The following TBX4 variants were observed in gnomAD, a reference collection of about 807,000 sequenced individuals.
TBX4 encodes T-box transcription factor 4, also known as T-box transcription factor TBX4.
A neutral mutation model predicts 54.6 loss-of-function variants in TBX4; 13 were observed. The ratio of observed to expected loss-of-function variants is 0.24; its 90% CI spans 0.15 to 0.38. The LOEUF (loss-of-function observed/expected upper bound fraction) is 0.38. Among genes scored for constraint, TBX4 ranks in the 10% least tolerant of loss-of-function variants. The probability of loss-of-function intolerance (pLI) is 1.00; values close to 1 mark genes in which losing one functional copy is unlikely to be tolerated. For synonymous variants in TBX4, 314 were observed against 306.7 expected, an observed-to-expected ratio of 1.02 and a Z score of -0.25; for missense variants, 631 against 728.5, an observed-to-expected ratio of 0.87 and a Z score of 1.54.
In TBX4 at chr17:61,457,057, G is replaced by A. The variant is rs2060456511; in HGVS notation, c.186+381G>A. Among the ~76,000 whole-genome samples, 2 of 152,336 alleles carry A rather than the reference G, an allele frequency of 1.3e-5. No homozygotes were observed. The highest frequency in any genetic ancestry group is 1.3e-4 in the Admixed American group (2 of 15,312). On this transcript the variant is annotated intron_variant, in intron 2 of 8. Coordinates refer to ENST00000644296, the MANE Select transcript of TBX4 (RefSeq NM_001321120.2). This position sits in a 1 kb window ranked among gnomAD's most constrained non-coding sequence, Gnocchi z 8.2. The stretch of plus-strand genomic sequence containing the variant: ...GGAGGCCACCCCGCCGGTGCGCACG[G>A]GAGCCGCTGCGGGGATCCGAGGCCT...
In TBX4 at chr17:61,462,596, AC is replaced by A. The variant is rs2060504451; in HGVS notation, c.282-3220del. The stretch of plus-strand genomic sequence containing the variant: ...GCAAGGAGGGGGCTGGCTGGGGCGG[AC>A]CCAGAGGTAGAGCGCAGAGTGCCCG... On this transcript the variant is annotated intron_variant, in intron 3 of 8. Coordinates refer to ENST00000644296, the MANE Select transcript of TBX4 (RefSeq NM_001321120.2). The surrounding 1 kb of genome is among the most constrained non-coding windows in gnomAD (Gnocchi z 4.5). Among the ~76,000 whole-genome samples, 1 of 151,948 alleles carries A rather than the reference AC, an allele frequency of 6.6e-6. No homozygotes were observed. Among genetic ancestry groups the A allele is most frequent in the African/African-American group, 2.4e-5 (1 of 41,358 alleles).
chr17:61,484,371 A>G lies in TBX4; in HGVS notation c.*855A>G, dbSNP rs2060688474. ...TGTGTGGAGAGTCAGCCTCCCAGGC[A>G]CCATACCATCTGCATCCTATGATGA... On this transcript the variant is annotated 3_prime_UTR_variant, in exon 9 of 9. Coordinates refer to ENST00000644296, the MANE Select transcript of TBX4 (RefSeq NM_001321120.2). This position sits in a 1 kb window ranked among gnomAD's most constrained non-coding sequence, Gnocchi z 4.1. 6.6e-6 allele frequency: 1 copy of G among 152,048 alleles called. No individual in the cohort carries two copies. Among genetic ancestry groups the G allele is most frequent in the Admixed American group, 6.5e-5 (1 of 15,270 alleles). 9.4% of individuals were successfully genotyped at this position (152,048 alleles called of 1,614,324 possible).
Position 61,478,305 on chromosome 17 carries a change from C to G in TBX4, c.550-322C>G. ...TCACAATTCCACCTGCTACACTGTG[C>G]TGAGTTCACAGTGGGCTTTGACAGT... is the stretch of plus-strand genomic sequence containing the variant. On this transcript the variant is annotated intron_variant, in intron 5 of 8. Transcript: ENST00000644296. The surrounding 1 kb of genome is among the most constrained non-coding windows in gnomAD (Gnocchi z 7.4). 1 of 412,816 alleles carries G rather than the reference C, an allele frequency of 2.4e-6. No individual in the cohort carries two copies. Among genetic ancestry groups the G allele is most frequent in the Non-Finnish European group, 4.6e-6 (1 of 218,752 alleles). The allele number at this position is 412,816 out of a possible 1,614,324, so 25.6% of individuals were successfully genotyped here.
chr17:61,467,783 C>G, intron 5 of TBX4, 126 bp downstream of exon 5: 1 of 1,248,084 alleles, frequency 8.0e-7, no homozygotes, highest in Non-Finnish European at 1.1e-6. Flanking sequence ...GCTCACTGAC[C>G]AGTTTAGGGA....
Position 61,461,636 on chromosome 17 carries a change from C to G in TBX4, c.281+4005C>G, listed in dbSNP as rs901396891. ...CATTCCTACAGAAGAGTCCACAGGT[C>G]TTAAGGGTGCAGCTTTACAGACTTG... On this transcript the variant is annotated intron_variant, in intron 3 of 8. Coordinates refer to ENST00000644296, the MANE Select transcript of TBX4 (RefSeq NM_001321120.2). The surrounding 1 kb of genome is among the most constrained non-coding windows in gnomAD (Gnocchi z 5.1). Among the ~76,000 whole-genome samples the G allele has an allele frequency of 6.6e-6, 1 of 152,150 alleles. No individual in the cohort carries two copies. The highest frequency in any genetic ancestry group is 1.5e-5 in the Non-Finnish European group (1 of 68,024).
chr17:61,470,667 G>A (rs958754904), intron 5 of TBX4, among the ~76,000 whole-genome samples: 4 of 152,206 alleles, frequency 2.6e-5, no homozygotes, highest in South Asian at 2.1e-4. Flanking sequence ...TGGGCCAGGC[G>A]GGAGCAGAAA....
In TBX4 at chr17:61,474,244, T is replaced by C. The variant is rs1003326485; in HGVS notation, c.550-4383T>C. 1.3e-5 allele frequency among the ~76,000 whole-genome samples: 2 copies of C among 152,212 alleles called. No homozygotes were observed. The highest frequency in any genetic ancestry group is 2.9e-5 in the Non-Finnish European group (2 of 68,038). On this transcript the variant is annotated intron_variant, in intron 5 of 8. Transcript: ENST00000644296. The surrounding 1 kb of genome is among the most constrained non-coding windows in gnomAD (Gnocchi z 4.6). The stretch of plus-strand genomic sequence containing the variant: ...CACTTTTGAGGGGCTAGCATCCAGA[T>C]AACATGTGTTCTGTGTTCTGTAGGG...
rs145267704 is a variant in TBX4, at chr17:61,482,923, C to G, written c.1048C>G (p.Pro350Ala). Residue 350 changes from proline (P) to alanine (A), a missense_variant, in exon 9 of 9, where the codon CCT (proline) becomes GCT (alanine). Physicochemically the swap from Pro to Ala is conservative, Grantham distance 27. Transcript: ENST00000644296. ...AGACGGTACCCGCCACCTGGACTTA[C>G]CTTGCAAGCGATCCTATCTGGAAGC... ...RADGTRHLDLPCKRSYLEAPS... is the reference protein window; with the variant it reads ...RADGTRHLDLACKRSYLEAPS... 1.5e-5 allele frequency: 24 copies of G among 1,613,734 alleles called. No homozygotes were observed. Among genetic ancestry groups the G allele is most frequent in the Non-Finnish European group, 1.9e-5 (22 of 1,179,916 alleles).
chr17:61,461,474 G>A lies in TBX4; in HGVS notation c.281+3843G>A, dbSNP rs1239483571. Among the ~76,000 whole-genome samples the A allele has an allele frequency of 6.6e-6, 1 of 152,118 alleles. No homozygotes were observed. The highest frequency in any genetic ancestry group is 2.4e-5 in the African/African-American group (1 of 41,406). Reference sequence around the variant, plus strand: ...CCTGAAAAGCCCCCACGGACATCAGGGTTGGAGAAACAAAGGGTTTTAAGG... The same window carrying A: ...CCTGAAAAGCCCCCACGGACATCAGAGTTGGAGAAACAAAGGGTTTTAAGG... On this transcript the variant is annotated intron_variant, in intron 3 of 8. Transcript: ENST00000644296. The surrounding 1 kb of genome is among the most constrained non-coding windows in gnomAD (Gnocchi z 5.1).
rs2060464365 is a variant in TBX4, at chr17:61,457,810, G to A, written c.281+179G>A. Among the ~76,000 whole-genome samples, 2 of 152,198 alleles carry A rather than the reference G, an allele frequency of 1.3e-5. No individual in the cohort carries two copies. Among genetic ancestry groups the A allele is most frequent in the African/African-American group, 4.8e-5 (2 of 41,456 alleles). On this transcript the variant is annotated intron_variant, in intron 3 of 8. Coordinates refer to ENST00000644296, the MANE Select transcript of TBX4 (RefSeq NM_001321120.2). This position sits in a 1 kb window ranked among gnomAD's most constrained non-coding sequence, Gnocchi z 8.2. ...ACTGGGCCGCCAAAGCCCGCAGGGG[G>A]CCACCGCAGCCGCGCGGGCCTTGCG...
In TBX4 at chr17:61,476,322, AG is replaced by A. The variant is rs1490215319; in HGVS notation, c.550-2304del. ...GAAGAGATGTTAGGCCCAGAAGGTGAGAAAAGAATGGGAAAGGAAGATCGAG... is the reference window on the plus strand; with the variant it reads ...GAAGAGATGTTAGGCCCAGAAGGTGAAAAAGAATGGGAAAGGAAGATCGAG... On this transcript the variant is annotated intron_variant, in intron 5 of 8. Transcript: ENST00000644296. This position sits in a 1 kb window ranked among gnomAD's most constrained non-coding sequence, Gnocchi z 6.5. Among the ~76,000 whole-genome samples the A allele has an allele frequency of 6.6e-6, 1 of 152,190 alleles. No individual in the cohort carries two copies. The highest frequency in any genetic ancestry group is 2.4e-5 in the African/African-American group (1 of 41,458).
chr17:61,457,576 C>G lies in TBX4; in HGVS notation c.226C>G (p.Leu76Val), dbSNP rs765300595. Residue 76 changes from leucine (L) to valine (V), a missense_variant, in exon 3 of 9, where the codon CTC (leucine) becomes GTC (valine). By Grantham distance (32) the Leu-to-Val change is conservative. Around this residue, in one of 3 missense-constraint regions of TBX4, gnomAD observed 123 missense variants for 120.9 expected, o/e 1.02. Transcript: ENST00000644296. The surrounding 1 kb of genome is among the most constrained non-coding windows in gnomAD (Gnocchi z 8.2). ...NIKVGLHEKELWKKFHEAGTE... is the reference protein window; with the variant it reads ...NIKVGLHEKEVWKKFHEAGTE... ...CAAGGTGGGGCTGCATGAGAAGGAG[C>G]TCTGGAAGAAGTTCCACGAGGCGGG... 1 of 1,613,996 alleles carries G rather than the reference C, an allele frequency of 6.2e-7. No homozygotes were observed. The highest frequency in any genetic ancestry group is 1.1e-5 in the South Asian group (1 of 91,056).
chr17:61,477,428 C>A (rs2060628879), intron 5 of TBX4, among the ~76,000 whole-genome samples: 1 of 152,210 alleles, frequency 6.6e-6, no homozygotes, highest in Non-Finnish European at 1.5e-5. Context: ...CCGCGGCAAC[C>A]CGCCTCCCCC....
At position 61,467,344 on chromosome 17, in the gene TBX4, C is replaced by T. The variant is rs900915554; in HGVS notation, c.402-166C>T. On this transcript the variant is annotated intron_variant, in intron 4 of 8. Coordinates refer to ENST00000644296, the MANE Select transcript of TBX4 (RefSeq NM_001321120.2). ...TGCTCTCTCCTCCTCAGCATTCTCT[C>T]CTCTGAACCTCACACTCCTACCCTT... Among the ~76,000 whole-genome samples the T allele has an allele frequency of 1.4e-4, 21 of 152,202 alleles. 1 individual carries two copies. Among genetic ancestry groups the T allele is most frequent in the Non-Finnish European group, 2.9e-5 (2 of 68,036 alleles).
rs1449220931 is a variant in TBX4, at chr17:61,476,592, CG to C, written c.550-2034del. On this transcript the variant is annotated intron_variant, in intron 5 of 8. Transcript: ENST00000644296. This position sits in a 1 kb window ranked among gnomAD's most constrained non-coding sequence, Gnocchi z 6.5. ...CAGCGTCCTGGAAAGGGACAGACATCGAGGCCTCTCTGAGCGGGACCTGTGT... is the reference window on the plus strand; with the variant it reads ...CAGCGTCCTGGAAAGGGACAGACATCAGGCCTCTCTGAGCGGGACCTGTGT... 6.6e-6 allele frequency among the ~76,000 whole-genome samples: 1 copy of C among 152,248 alleles called. No homozygotes were observed. The highest frequency in any genetic ancestry group is 1.9e-4 in the East Asian group (1 of 5,192).
Position 61,462,304 on chromosome 17 carries a change from G to T in TBX4, c.282-3515G>T, listed in dbSNP as rs1281145332. On this transcript the variant is annotated intron_variant, in intron 3 of 8. Coordinates refer to ENST00000644296, the MANE Select transcript of TBX4 (RefSeq NM_001321120.2). The surrounding 1 kb of genome is among the most constrained non-coding windows in gnomAD (Gnocchi z 4.5). ...CTCCTCCCGGGCCGGCGAGCAGGCG[G>T]CTTGTTTATTCCCCTGGCGGAGCCG... Among the ~76,000 whole-genome samples, 1 of 152,212 alleles carries T rather than the reference G, an allele frequency of 6.6e-6. No individual in the cohort carries two copies. Among genetic ancestry groups the T allele is most frequent in the Non-Finnish European group, 1.5e-5 (1 of 68,036 alleles).
chr17:61,465,951 T>C lies in TBX4; in HGVS notation c.401+13T>C, dbSNP rs755830423. 2 of 1,613,622 alleles carry C rather than the reference T, an allele frequency of 1.2e-6. No homozygotes were observed. The highest frequency in any genetic ancestry group is 2.2e-5 in the South Asian group (2 of 91,068). ...GTGACAACAAATGGTAAGTGGACCC[T>C]GACCGCATCACCCACGTTCCCTCAA... On this transcript the variant is annotated intron_variant, in intron 4 of 8. Transcript: ENST00000644296. The surrounding 1 kb of genome is among the most constrained non-coding windows in gnomAD (Gnocchi z 4.9).
rs2143867511 is a variant in TBX4, at chr17:61,481,862, A to C, written c.1022-1035A>C. On this transcript the variant is annotated intron_variant, in intron 8 of 8. Coordinates refer to ENST00000644296, the MANE Select transcript of TBX4 (RefSeq NM_001321120.2). The surrounding 1 kb of genome is among the most constrained non-coding windows in gnomAD (Gnocchi z 4.8). ...GCTCACTGCAACCTCTGCCTCCCGA[A>C]TTCAAGTGATTCTCCTGCCTCAGCC... is the stretch of plus-strand genomic sequence containing the variant. 6.6e-6 allele frequency: 1 copy of C among 152,288 alleles called. No individual in the cohort carries two copies. Among genetic ancestry groups the C allele is most frequent in the African/African-American group, 2.4e-5 (1 of 41,528 alleles). The allele number at this position is 152,288 out of a possible 1,614,324, so 9.4% of individuals were successfully genotyped here. A position where few individuals can be genotyped will look rare whatever the true frequency, so the allele number is the denominator to read the frequency against.
rs2060692937 is a variant in TBX4, at chr17:61,484,941, AATAAATATATATATATAT to A, written c.*1429_*1446del. The stretch of plus-strand genomic sequence containing the variant: ...AAGAATGGTTTAGATAAAACATATA[AATAAATATATATATATAT>A]ATATATATATATAAACACACACACA... On this transcript the variant is annotated 3_prime_UTR_variant, in exon 9 of 9. Coordinates refer to ENST00000644296, the MANE Select transcript of TBX4 (RefSeq NM_001321120.2). This position sits in a 1 kb window ranked among gnomAD's most constrained non-coding sequence, Gnocchi z 4.1. 9.8e-6 allele frequency: 1 copy of A among 101,838 alleles called. No individual in the cohort carries two copies. Among genetic ancestry groups the A allele is most frequent in the Non-Finnish European group, 2.0e-5 (1 of 51,050 alleles). 6.3% of individuals were successfully genotyped at this position (101,838 alleles called of 1,614,324 possible).
Sources: gnomAD v4.1 joint callset for allele counts (sites outside exome capture counted in the v4.1 genomes callset) on GRCh38, gnomAD v4.1.1 for gene constraint, gnomAD v4.1.1 regional missense constraint, Gnocchi (gnomAD v3.1) non-coding constraint, MANE v1.5 for transcripts, NCBI Gene and HGNC (gene_info 2026-07-23, HGNC 2026-07-21) for gene names.